The following ADGRG6 variants were observed in gnomAD, a reference collection of about 807,000 sequenced individuals.
ADGRG6 encodes adhesion G protein-coupled receptor G6.
In ADGRG6, 84 loss-of-function variants were observed where a neutral mutation model predicts 142.4. That is an observed-to-expected ratio of 0.59 (90% CI 0.49 to 0.71). The LOEUF is 0.71. Ranked by LOEUF, ADGRG6 falls within the 30% of genes least tolerant of loss-of-function variation. The pLI is 0.00. For synonymous variants in ADGRG6, 521 were observed against 520.5 expected, an observed-to-expected ratio of 1.00 and a Z score of -0.01; for missense variants, 1,367 against 1,466.6, an observed-to-expected ratio of 0.93 and a Z score of 1.11.
intron 2 of ADGRG6, among the ~76,000 whole-genome samples, chr6:142,312,774 A>G (rs936712463): frequency 6.6e-6 from 1 of 152,144 alleles, no homozygotes; most frequent in Non-Finnish European, 1.5e-5. Flanking sequence ...TAGCATTGCA[A>G]TAGCAAACTG....
At chr6:142,329,239 A>G (rs1778923211) in intron 2 of ADGRG6, among the ~76,000 whole-genome samples, 1 of 152,186 alleles carries the variant, frequency 6.6e-6, no homozygotes, top group African/African-American at 2.4e-5. Context: ...TCAACCAAGG[A>G]CTTTAAAAAT....
chr6:142,312,261 C>T (rs938570552), intron 2 of ADGRG6, among the ~76,000 whole-genome samples: 1 of 152,010 alleles, frequency 6.6e-6, no homozygotes, highest in East Asian at 1.9e-4. Flanking sequence ...GGTTTGATTC[C>T]AATAACATCC....
intron 2 of ADGRG6, among the ~76,000 whole-genome samples, chr6:142,352,210 A>G (rs1461095913): frequency 1.3e-5 from 2 of 152,224 alleles, no homozygotes; most frequent in African/African-American, 4.8e-5. Flanking sequence ...ACATGGAGTC[A>G]ACCACGATGC....
At chr6:142,329,257 T>C (rs959921603) in intron 2 of ADGRG6, among the ~76,000 whole-genome samples, 1 of 152,182 alleles carries the variant, frequency 6.6e-6, no homozygotes, top group African/African-American at 2.4e-5. Flanking sequence ...AATGAACTTT[T>C]GGGGAGACAA....
rs531608132 is a variant in ADGRG6 at position 142,386,851 on chromosome 6, C to T, written c.1222+3008C>T. Among the ~76,000 whole-genome samples, 5 of 152,248 alleles carry T rather than the reference C, an allele frequency of 3.3e-5. No individual in the cohort carries two copies. In the South Asian group the frequency reaches 1.0e-3, roughly 32 times the overall value. Reference sequence around the variant, plus strand: ...TCCCATGGCAGGGCACACTCACACACACCCACACCCACTCACACTGGGACC... The same window carrying T: ...TCCCATGGCAGGGCACACTCACACATACCCACACCCACTCACACTGGGACC... On this transcript the variant is annotated intron_variant, in intron 6 of 24. Coordinates refer to ENST00000367609, the MANE Select transcript of ADGRG6 (RefSeq NM_198569.3).
chr6:142,329,932 G>A (rs1268450630), intron 2 of ADGRG6, among the ~76,000 whole-genome samples: 2 of 152,118 alleles, frequency 1.3e-5, no homozygotes, highest in East Asian at 1.9e-4. Context: ...GAGCACTGAT[G>A]AACTTCACTC....
intron 22 of ADGRG6, among the ~76,000 whole-genome samples, chr6:142,422,677 C>G (rs1269884485): frequency 6.7e-6 from 1 of 148,470 alleles, no homozygotes; most frequent in Admixed American, 6.8e-5. Context: ...TGGGTATATA[C>G]CCAGTAATGG....
chr6:142,302,490 A>AGG, intron 1 of ADGRG6, 159 bp downstream of exon 1: 1 of 688,762 alleles, frequency 1.5e-6, no homozygotes, highest in Non-Finnish European at 2.4e-6. Flanking sequence ...TTGCCCCTCG[A>AGG]GGCACTGAGG....
chr6:142,331,342 G>T (rs901406193), intron 2 of ADGRG6, among the ~76,000 whole-genome samples: 1 of 151,952 alleles, frequency 6.6e-6, no homozygotes, highest in Admixed American at 6.6e-5. Context: ...AAAGAGCTGT[G>T]TCTTTTTAGG....
chr6:142,330,699 T>C (rs972549765), intron 2 of ADGRG6, among the ~76,000 whole-genome samples: 3 of 152,190 alleles, frequency 2.0e-5, no homozygotes. Flanking sequence ...ATGCATTTAG[T>C]GGGCTGAAAG....
chr6:142,317,960 TTTATATA>T (rs1216801516), intron 2 of ADGRG6, among the ~76,000 whole-genome samples: 1 of 68,502 alleles, frequency 1.5e-5, no homozygotes, highest in African/African-American at 6.4e-5. Flanking sequence ...ATATTATATA[TTTATATA>T]TTATATATAT....
Position 142,370,111 on chromosome 6 carries a change from CA to C in ADGRG6, c.446-58del. The C allele has an allele frequency of 2.1e-6, 3 of 1,434,598 alleles. No homozygotes were observed. The Middle Eastern group carries it at 5.5e-4, about 263-fold the overall frequency. The allele number at this position is 1,434,598 out of a possible 1,614,324, so 88.9% of individuals were successfully genotyped here. ...CGATGGAGGGCTTGATGTTTTGCAT[CA>C]CATTAGTCTGTGTTCTGAAGTTAAC... On this transcript the variant is annotated intron_variant, in intron 3 of 24. Transcript: ENST00000367609.
At chr6:142,363,978 G>T (rs1309299449) in intron 2 of ADGRG6, among the ~76,000 whole-genome samples, 1 of 148,580 alleles carries the variant, frequency 6.7e-6, no homozygotes, top group Non-Finnish European at 1.5e-5. Flanking sequence ...TCACCGTTTT[G>T]TTCTGTATTT....
chr6:142,383,475 G>A (rs924978698), intron 5 of ADGRG6, among the ~76,000 whole-genome samples: 1 of 152,094 alleles, frequency 6.6e-6, no homozygotes, highest in Admixed American at 6.6e-5. Flanking sequence ...CTTGTTAATG[G>A]AGATCTAGGT....
intron 2 of ADGRG6, among the ~76,000 whole-genome samples, chr6:142,333,952 C>A (rs916503347): frequency 3.3e-5 from 5 of 152,096 alleles, no homozygotes; most frequent in Non-Finnish European, 5.9e-5. Flanking sequence ...GCTCTTAATT[C>A]AAATATATTT....
intron 22 of ADGRG6, among the ~76,000 whole-genome samples, chr6:142,432,546 A>G (rs1288456196): frequency 1.3e-5 from 2 of 152,196 alleles, no homozygotes; most frequent in Non-Finnish European, 2.9e-5. Context: ...AAGGTAGAAC[A>G]TTTAAATGAC....
intron 22 of ADGRG6, among the ~76,000 whole-genome samples, chr6:142,420,731 G>A (rs945510108): frequency 6.6e-6 from 1 of 152,242 alleles, no homozygotes; most frequent in Admixed American, 6.5e-5. Context: ...TTCCTTCAAA[G>A]AGCTTGCAGT....
chr6:142,347,456 A>G lies in ADGRG6; in HGVS notation c.104-20113A>G, dbSNP rs187954160. The stretch of plus-strand genomic sequence containing the variant: ...GATAGTTCACCTATGTAGAAAACCA[A>G]ACAATGATCTGAGTGTGAATTAGAA... On this transcript the variant is annotated intron_variant, in intron 2 of 24. Transcript: ENST00000367609. 6.0e-4 allele frequency among the ~76,000 whole-genome samples: 92 copies of G among 152,306 alleles called. 1 individual carries two copies. In the East Asian group the frequency reaches 0.012, roughly 20 times the overall value.
chr6:142,321,951 G>A (rs758437364), intron 2 of ADGRG6, among the ~76,000 whole-genome samples: 3 of 152,108 alleles, frequency 2.0e-5, no homozygotes, highest in Non-Finnish European at 2.9e-5. Flanking sequence ...TATCTATATC[G>A]AGAATTACGT....
Sources: allele counts gnomAD v4.1 joint callset (sites outside exome capture counted in the v4.1 genomes callset), GRCh38; gene constraint gnomAD v4.1.1; transcripts MANE v1.5; gene names NCBI Gene and HGNC (gene_info 2026-07-23, HGNC 2026-07-21).